The following PHACTR1 variants were observed in gnomAD, a reference collection of about 807,000 sequenced individuals.
PHACTR1 encodes the protein phosphatase and actin regulator 1.
In PHACTR1, 16 loss-of-function variants were observed where a neutral mutation model predicts 69.2. That is an observed-to-expected ratio of 0.23 (90% CI 0.16 to 0.35). The LOEUF (loss-of-function observed/expected upper bound fraction) is 0.35. Ranked by LOEUF, PHACTR1 falls within the 10% of genes least tolerant of loss-of-function variation. The pLI is 1.00. For missense variants in PHACTR1, 510 were observed against 734.7 expected (o/e 0.69, Z 3.54); for synonymous variants, 312 against 284.5 (o/e 1.10, Z -0.97).
At chr6:13,113,355 G>T (rs1399757409) in intron 5 of PHACTR1, among the ~76,000 whole-genome samples, 1 of 152,104 alleles carries the variant, frequency 6.6e-6, no homozygotes, top group Admixed American at 6.6e-5. Context: ...ATACATCAAA[G>T]ATTTTAAAAC....
chr6:12,736,579 G>A (rs1482994950), intron 3 of PHACTR1, among the ~76,000 whole-genome samples: 1 of 152,140 alleles, frequency 6.6e-6, no homozygotes, highest in Non-Finnish European at 1.5e-5. Context: ...TCCACAGCCT[G>A]TGGGACTATC....
chr6:12,868,566 A>G (rs1358905654), intron 4 of PHACTR1, among the ~76,000 whole-genome samples: 1 of 133,814 alleles, frequency 7.5e-6, no homozygotes, highest in Non-Finnish European at 1.6e-5. Flanking sequence ...CTTGGGGAAG[A>G]AGATGGAGAT....
At chr6:13,180,068 T>C (rs145553309) in intron 6 of PHACTR1, among the ~76,000 whole-genome samples, 1 of 152,324 alleles carries the variant, frequency 6.6e-6, no homozygotes, top group East Asian at 1.9e-4. Flanking sequence ...AATATTGATA[T>C]ATAGTCATCC....
At chr6:12,882,893 G>C (rs1168871796) in intron 4 of PHACTR1, among the ~76,000 whole-genome samples, 5 of 152,202 alleles carry the variant, frequency 3.3e-5, no homozygotes, top group Non-Finnish European at 7.3e-5. Context: ...TATTATCCCA[G>C]ATATAACACG....
intron 5 of PHACTR1, among the ~76,000 whole-genome samples, chr6:13,143,736 A>T (rs559350939): frequency 6.6e-6 from 1 of 152,228 alleles, no homozygotes; most frequent in African/African-American, 2.4e-5. Flanking sequence ...GGATTCCATA[A>T]CATGGTAATG....
At chr6:12,736,870 C>G (rs374848951) in intron 3 of PHACTR1, among the ~76,000 whole-genome samples, 2 of 152,098 alleles carry the variant, frequency 1.3e-5, no homozygotes, top group African/African-American at 4.8e-5. Flanking sequence ...TCCATTTGCT[C>G]TCTCTTGTCT....
intron 5 of PHACTR1, among the ~76,000 whole-genome samples, chr6:13,105,170 G>A (rs776019291): frequency 2.0e-5 from 3 of 152,136 alleles, no homozygotes; most frequent in African/African-American, 4.8e-5. Context: ...TTGCTTGAGC[G>A]AGTTTGAGAC....
chr6:13,177,478 T>G (rs1416139456), intron 6 of PHACTR1, among the ~76,000 whole-genome samples: 2 of 151,658 alleles, frequency 1.3e-5, no homozygotes, highest in Non-Finnish European at 2.9e-5. Context: ...CATATCAGAT[T>G]TTTATATCTA....
In PHACTR1 at chr6:12,827,148, G is replaced by GGA. The variant is rs34647053; in HGVS notation, c.250+77360_250+77361dup. Among the ~76,000 whole-genome samples, 1,075 of 152,216 alleles carry GGA rather than the reference G, an allele frequency of 7.1e-3. 16 individuals are homozygous for GGA. Among genetic ancestry groups the GGA allele is most frequent in the African/African-American group, 0.025 (1,024 of 41,522 alleles). ...GATAATGTTGCTGGCTAACATTCCC[G>GGA]GAGTTTTCTCGAAAGGACTTTTTCT... is the stretch of plus-strand genomic sequence containing the variant. On this transcript the variant is annotated intron_variant, in intron 4 of 14. Transcript: ENST00000332995.
intron 4 of PHACTR1, among the ~76,000 whole-genome samples, chr6:12,949,283 A>AT (rs1168036427): frequency 6.6e-6 from 1 of 150,880 alleles, no homozygotes; most frequent in Non-Finnish European, 1.5e-5. Context: ...AAAAAAAAAA[A>AT]AAAAGAAAGA....
intron 4 of PHACTR1, among the ~76,000 whole-genome samples, chr6:12,866,007 C>A (rs1382957591): frequency 6.6e-6 from 1 of 152,158 alleles, no homozygotes; most frequent in Admixed American, 6.5e-5. Context: ...GCTGAGGGAG[C>A]CTCAGAGTCA....
At chr6:12,749,032 G>A (rs1299287274) in intron 3 of PHACTR1, among the ~76,000 whole-genome samples, 1 of 152,240 alleles carries the variant, frequency 6.6e-6, no homozygotes, top group Non-Finnish European at 1.5e-5. Context: ...AGTAGAGAGG[G>A]CTGGGCTGGG....
At chr6:13,238,236 AC>A (rs1308420381) in intron 10 of PHACTR1, among the ~76,000 whole-genome samples, 1 of 152,204 alleles carries the variant, frequency 6.6e-6, no homozygotes, top group Non-Finnish European at 1.5e-5. Flanking sequence ...TTCAATCTAC[AC>A]TGAAGGCGTG....
At chr6:12,799,841 G>T (rs1223295006) in intron 4 of PHACTR1, among the ~76,000 whole-genome samples, 1 of 152,126 alleles carries the variant, frequency 6.6e-6, no homozygotes, top group African/African-American at 2.4e-5. Context: ...ACTATGAATA[G>T]ACATAGAAAA....
At chr6:13,027,136 G>C (rs1446128509) in intron 4 of PHACTR1, among the ~76,000 whole-genome samples, 1 of 151,894 alleles carries the variant, frequency 6.6e-6, no homozygotes, top group Non-Finnish European at 1.5e-5. Flanking sequence ...TTGGGAAGTG[G>C]GTGGGGAGAA....
intron 4 of PHACTR1, among the ~76,000 whole-genome samples, chr6:12,805,328 T>G (rs1774178748): frequency 6.6e-6 from 1 of 152,214 alleles, no homozygotes; most frequent in African/African-American, 2.4e-5. Flanking sequence ...AGGTCATAAT[T>G]CTTCAAATAA....
intron 4 of PHACTR1, among the ~76,000 whole-genome samples, chr6:12,784,548 C>G (rs1771280081): frequency 6.6e-6 from 1 of 151,260 alleles, no homozygotes; most frequent in Non-Finnish European, 1.5e-5. Context: ...CATATACACA[C>G]ATATATATCT....
intron 4 of PHACTR1, among the ~76,000 whole-genome samples, chr6:12,954,072 C>T (rs997810136): frequency 6.6e-6 from 1 of 152,086 alleles, no homozygotes; most frequent in Admixed American, 6.6e-5. Flanking sequence ...TTGAGCTGGG[C>T]TTGAAAGATT....
intron 4 of PHACTR1, among the ~76,000 whole-genome samples, chr6:12,777,746 C>T (rs1770276264): frequency 6.6e-6 from 1 of 151,382 alleles, no homozygotes. Flanking sequence ...ATTCTCCTGC[C>T]TCAGCCTCCC....
Sources: gnomAD v4.1 joint callset for allele counts (sites outside exome capture counted in the v4.1 genomes callset) on GRCh38, gnomAD v4.1.1 for gene constraint, MANE v1.5 for transcripts, NCBI Gene and HGNC (gene_info 2026-07-23, HGNC 2026-07-21) for gene names.